MYH9: variants seen among roughly 807,000 people sequenced by gnomAD.
MYH9 encodes myosin heavy chain 9.
Under a neutral mutation model 241.9 loss-of-function variants are expected in MYH9, and 29 were observed. The observed-to-expected ratio is 0.12, with a 90% CI of 0.09 to 0.16. The LOEUF (loss-of-function observed/expected upper bound fraction) is 0.16. Among genes scored for constraint, MYH9 ranks in the 10% least tolerant of loss-of-function variants. The pLI, the probability that MYH9 is intolerant of heterozygous loss-of-function variation, is 1.00. For missense variants in MYH9, 1,803 were observed against 2,595.5 expected, an observed-to-expected ratio of 0.69 and a Z score of 6.63; for synonymous variants, 1,047 against 1,062.6, an observed-to-expected ratio of 0.99 and a Z score of 0.29.
chr22:36,338,449 G>A (rs1232598715), intron 3 of MYH9, among the ~76,000 whole-genome samples: 1 of 152,218 alleles, frequency 6.6e-6, no homozygotes, highest in African/African-American at 2.4e-5. Context: ...TGCACGGACT[G>A]CTTTAAAGGA....
intron 34 of MYH9, among the ~76,000 whole-genome samples, chr22:36,287,655 T>C (rs2016609581): frequency 6.6e-6 from 1 of 152,174 alleles, no homozygotes; most frequent in African/African-American, 2.4e-5. Context: ...GGCAGGAGAA[T>C]GGCGTGAACC....
At chr22:36,304,512 G>T (rs996709702) in intron 18 of MYH9, among the ~76,000 whole-genome samples, 1 of 152,166 alleles carries the variant, frequency 6.6e-6, no homozygotes, top group Admixed American at 6.5e-5. Flanking sequence ...CTGGGAAGGG[G>T]AAAAAAGGAG....
rs573103800 is a variant in MYH9, at chr22:36,293,115, A to C, written c.4095+214T>G. On this transcript the variant is annotated intron_variant, in intron 30 of 40. Transcript: ENST00000216181. The surrounding 1 kb of genome is among the most constrained non-coding windows in gnomAD (Gnocchi z 5.1). ...AAGACTGGTGAAAATAAAGGTGTAA[A>C]ATAGTGAAAATAGTGGTGTCCCCCA... 1.3e-5 allele frequency among the ~76,000 whole-genome samples: 2 copies of C among 152,396 alleles called. No homozygotes were observed. The highest frequency in any genetic ancestry group is 1.3e-4 in the Admixed American group (2 of 15,312).
chr22:36,337,004 A>C (rs1051884338), intron 3 of MYH9, among the ~76,000 whole-genome samples: 1 of 152,226 alleles, frequency 6.6e-6, no homozygotes, highest in Non-Finnish European at 1.5e-5. Flanking sequence ...CCCACGGCAG[A>C]CAGCACTAAT....
intron 1 of MYH9, among the ~76,000 whole-genome samples, chr22:36,352,940 C>T (rs774739977): frequency 1.3e-5 from 2 of 152,134 alleles, no homozygotes; most frequent in African/African-American, 4.8e-5. Context: ...GATCAATACA[C>T]GGGTTAGACC....
At chr22:36,284,611 A>G (rs2016548152) in intron 38 of MYH9, 100 bp from the exon 39 acceptor site, 8 of 1,145,004 alleles carry the variant, frequency 7.0e-6, no homozygotes, top group Admixed American at 1.9e-5. Flanking sequence ...GCTCACTGGC[A>G]TCTAGGGATC....
At chr22:36,317,615 C>T (rs1449905555) in intron 11 of MYH9, among the ~76,000 whole-genome samples, 1 of 152,212 alleles carries the variant, frequency 6.6e-6, no homozygotes, top group Admixed American at 6.5e-5. Flanking sequence ...ATGGGTTTGG[C>T]ACCCTAAAAA....
intron 4 of MYH9, 40 bp downstream of exon 4, chr22:36,327,421 G>A (rs1161441893): frequency 1.2e-6 from 2 of 1,612,308 alleles, no homozygotes; most frequent in East Asian, 4.5e-5. Context: ...AGAACAGACT[G>A]GGGTGAAACG....
Position 36,319,525 on chromosome 22 carries a change from G to C in MYH9, c.1108+15C>G, listed in dbSNP as rs766058853. On this transcript the variant is annotated intron_variant, in intron 10 of 40. Coordinates refer to ENST00000216181, the MANE Select transcript of MYH9 (RefSeq NM_002473.6). ...ACCTGCCCCATTATTTCCAGCGAGAGGCCCCGGGTGTTACCTGTGTTGTCG... is the reference window on the plus strand; with the variant it reads ...ACCTGCCCCATTATTTCCAGCGAGACGCCCCGGGTGTTACCTGTGTTGTCG... 1 of 1,613,460 alleles carries C rather than the reference G, an allele frequency of 6.2e-7. No individual in the cohort carries two copies. Among genetic ancestry groups the C allele is most frequent in the South Asian group, 1.1e-5 (1 of 91,060 alleles).
chr22:36,322,955 A>G (rs2017278920), intron 5 of MYH9, among the ~76,000 whole-genome samples: 1 of 152,182 alleles, frequency 6.6e-6, no homozygotes, highest in Non-Finnish European at 1.5e-5. Flanking sequence ...AGGAAAAGCA[A>G]ATGAGGGGAT....
chr22:36,319,043 T>G (rs1459709109), intron 10 of MYH9, among the ~76,000 whole-genome samples: 1 of 152,150 alleles, frequency 6.6e-6, no homozygotes, highest in Non-Finnish European at 1.5e-5. Flanking sequence ...ATTACAGATG[T>G]GAGCCACCAC....
At chr22:36,332,240 A>C (rs1442907881) in intron 3 of MYH9, among the ~76,000 whole-genome samples, 2 of 152,238 alleles carry the variant, frequency 1.3e-5, no homozygotes, top group Non-Finnish European at 2.9e-5. Context: ...AGCCAGCTCA[A>C]TTCACAAGCT....
chr22:36,354,329 C>T (rs937963744), intron 1 of MYH9, among the ~76,000 whole-genome samples: 1 of 152,022 alleles, frequency 6.6e-6, no homozygotes, highest in Non-Finnish European at 1.5e-5. Context: ...GAACTCCTGA[C>T]ACCAAGGCCT....
intron 2 of MYH9, among the ~76,000 whole-genome samples, chr22:36,341,859 G>A (rs2017596246): frequency 6.6e-6 from 1 of 152,338 alleles, no homozygotes; most frequent in East Asian, 1.9e-4. Flanking sequence ...ACTCAGATCC[G>A]AGGACAATGA....
chr22:36,353,505 C>T (rs946503236), intron 1 of MYH9, among the ~76,000 whole-genome samples: 4 of 152,012 alleles, frequency 2.6e-5, no homozygotes, highest in African/African-American at 4.8e-5. Flanking sequence ...GGACTACAGG[C>T]GCCCACCACC....
chr22:36,376,433 T>C (rs2018168175), intron 1 of MYH9, among the ~76,000 whole-genome samples: 1 of 152,044 alleles, frequency 6.6e-6, no homozygotes, highest in Non-Finnish European at 1.5e-5. Context: ...TAGCATGGGC[T>C]TGCCTCAGTA....
chr22:36,383,829 G>A (rs909996248), intron 1 of MYH9, among the ~76,000 whole-genome samples: 1 of 151,670 alleles, frequency 6.6e-6, no homozygotes, highest in African/African-American at 2.4e-5. Context: ...GCATGGTGGC[G>A]GGCACCTGTA....
chr22:36,328,679 C>T (rs979189491), intron 3 of MYH9, among the ~76,000 whole-genome samples: 28 of 152,264 alleles, frequency 1.8e-4, no homozygotes, highest in Admixed American at 1.0e-3. Context: ...ACTTCCCCAA[C>T]GCGACGTCGC....
chr22:36,288,934 G>T lies in MYH9; in HGVS notation c.4563C>A (p.His1521Gln), dbSNP rs11549907. 1 of 1,613,656 alleles carries T rather than the reference G, an allele frequency of 6.2e-7. No homozygotes were observed. Among genetic ancestry groups the T allele is most frequent in the Non-Finnish European group, 8.5e-7 (1 of 1,180,026 alleles). The part of the protein sequence containing the change: ...SSKDDVGKSV[H>Q]ELEKSKRALE... The stretch of plus-strand genomic sequence containing the variant: ...GGGCCCGCTTGGACTTCTCCAGCTC[G>T]TGGACCTGAGCCCCAGAGAGCCCAA... Residue 1521 changes from histidine (H) to glutamine (Q), a missense_variant, in exon 33 of 41, where the codon CAC becomes CAA. Around this residue, in one of 11 missense-constraint regions of MYH9, gnomAD observed 876 missense variants for 1,077.8 expected, o/e 0.81. Coordinates refer to ENST00000216181, the MANE Select transcript of MYH9 (RefSeq NM_002473.6). This position sits in a 1 kb window ranked among gnomAD's most constrained non-coding sequence, Gnocchi z 4.8.
Sources: gnomAD v4.1 joint callset for allele counts (sites outside exome capture counted in the v4.1 genomes callset) on GRCh38, gnomAD v4.1.1 for gene constraint, gnomAD v4.1.1 regional missense constraint, Gnocchi (gnomAD v3.1) non-coding constraint, MANE v1.5 for transcripts, NCBI Gene and HGNC (gene_info 2026-07-23, HGNC 2026-07-21) for gene names.